The following ETV4 variants were observed in gnomAD, a reference collection of about 807,000 sequenced individuals.
ETV4 encodes ETS variant transcription factor 4.
Under a neutral mutation model 65.9 loss-of-function variants are expected in ETV4, and 42 were observed. The ratio of observed to expected loss-of-function variants is 0.64; its 90% confidence interval spans 0.50 to 0.82. The LOEUF is 0.82. Among genes scored for constraint, ETV4 ranks in the 40% least tolerant of loss-of-function variants. The probability of loss-of-function intolerance (pLI) is 0.00; values close to 1 mark genes in which losing one functional copy is unlikely to be tolerated. For synonymous variants in ETV4, 238 were observed against 260.0 expected (o/e 0.92, Z 0.81); for missense variants, 583 against 630.3 (o/e 0.92, Z 0.80).
chr17:43,532,783 A>C lies in ETV4; in HGVS notation c.702T>G (p.Tyr234Ter). ...SFKQEYHDPL[Y>*]EQAGQPAVDQ... The stretch of plus-strand genomic sequence containing the variant: ...CCACGGCTGGCTGGCCCGCCTGTTC[A>C]TACAGGGGATCATGGTATTCTTGCT... Residue 234 changes from tyrosine (Y) to a stop codon, truncating the protein, a stop_gained, in exon 8 of 13, where the codon TAT becomes TAG. Coordinates refer to ENST00000319349, the MANE Select transcript of ETV4 (RefSeq NM_001079675.5). LOFTEE classifies it high-confidence loss of function. 1 of 1,613,926 alleles carries C rather than the reference A, an allele frequency of 6.2e-7. No homozygotes were observed. Among genetic ancestry groups the C allele is most frequent in the Non-Finnish European group, 8.5e-7 (1 of 1,179,980 alleles).
In ETV4 at chr17:43,532,713, C is replaced by T; in HGVS notation, c.772G>A (p.Val258Met). 1 of 1,613,816 alleles carries T rather than the reference C, an allele frequency of 6.2e-7. No individual in the cohort carries two copies. The highest frequency in any genetic ancestry group is 8.5e-7 in the Non-Finnish European group (1 of 1,179,864). ...AAGTCCGTCTGTTCCTGTTTGATCA[C>T]CACCCCCGCCCCTGGGTACCTGTGC... is the stretch of plus-strand genomic sequence containing the variant. ...NGHRYPGAGVVIKQEQTDFAY... is the reference protein window; with the variant it reads ...NGHRYPGAGVMIKQEQTDFAY... The change falls in exon 8 of 13, where the codon GTG (valine) becomes ATG (methionine). Residue 258 changes from valine (V) to methionine (M), a missense_variant. Val to Met is a conservative substitution (Grantham distance 21). Coordinates refer to ENST00000319349, the MANE Select transcript of ETV4 (RefSeq NM_001079675.5).
At chr17:43,533,443 C>T in intron 6 of ETV4, 95 bp from the exon 7 acceptor site, 1 of 1,232,260 alleles carries the variant, frequency 8.1e-7, no homozygotes, top group South Asian at 1.4e-5. Flanking sequence ...ACAGGGATTA[C>T]AGGAGAAGGA....
chr17:43,534,363 G>A (rs1410827539), intron 5 of ETV4, among the ~76,000 whole-genome samples: 1 of 151,902 alleles, frequency 6.6e-6, no homozygotes, highest in African/African-American at 2.4e-5. Flanking sequence ...GGATGGTGGC[G>A]GATGCCTGTA....
chr17:43,539,823 C>A (rs1277493331), intron 4 of ETV4, among the ~76,000 whole-genome samples: 1 of 152,166 alleles, frequency 6.6e-6, no homozygotes, highest in Non-Finnish European at 1.5e-5. Context: ...TGTTGCTTGG[C>A]AAGAATATTC....
intron 5 of ETV4, 34 bp downstream of exon 5, chr17:43,536,392 T>G (rs1008341616): frequency 6.3e-7 from 1 of 1,595,050 alleles, no homozygotes; most frequent in East Asian, 2.2e-5. Flanking sequence ...CATCCTCCAC[T>G]CCCTATACCC....
intron 7 of ETV4, 54 bp downstream of exon 7, chr17:43,533,133 A>G: frequency 6.3e-7 from 1 of 1,594,386 alleles, no homozygotes; most frequent in Middle Eastern, 1.7e-4. Flanking sequence ...GAGAACACTC[A>G]GGAATTGAAA....
intron 4 of ETV4, among the ~76,000 whole-genome samples, chr17:43,538,665 G>A (rs76073095): frequency 0.013 from 1,969 of 152,204 alleles, 48 homozygotes; most frequent in African/African-American, 0.046. Context: ...CCAGAGTCTT[G>A]GCCCACTTTT....
rs570890035 is a variant in ETV4 at position 43,528,510 on chromosome 17, C to G, written c.*9G>C. 5 of 1,586,464 alleles carry G rather than the reference C, an allele frequency of 3.2e-6. No individual in the cohort carries two copies. The highest frequency in any genetic ancestry group is 4.3e-6 in the Non-Finnish European group (5 of 1,162,582). On this transcript the variant is annotated 3_prime_UTR_variant, in exon 13 of 13. Coordinates refer to ENST00000319349, the MANE Select transcript of ETV4 (RefSeq NM_001079675.5). ...ACCCACCTGCGGCAGGGGGAACAGC[C>G]GCTGGGGGCTAGTAAGAGTAGCCAC...
Position 43,530,537 on chromosome 17 carries a change from C to A in ETV4, c.812-356G>T, listed in dbSNP as rs1017504812. On this transcript the variant is annotated intron_variant, in intron 8 of 12. Transcript: ENST00000319349. ...GTCCGGGGAAAGAGTTCGGTGTCCA[C>A]GCCTAAGACTCCCTCAGAATGGACA... 5 of 819,718 alleles carry A rather than the reference C, an allele frequency of 6.1e-6. No homozygotes were observed. In the African/African-American group the frequency reaches 8.7e-5, roughly 14 times the overall value. The allele number at this position is 819,718 out of a possible 1,614,324, so 50.8% of individuals were successfully genotyped here. A position where few individuals can be genotyped will look rare whatever the true frequency, so the allele number is the denominator to read the frequency against.
In ETV4 at chr17:43,545,336, G is replaced by C. The variant is rs760352888; in HGVS notation, c.92C>G (p.Ala31Gly). ...GAGCTTCCCCAGCGGGCCGATCAGC[G>C]CTTCGCGCAAGCTCCCATTTCCGGG... ...KSPGNGSLRE[A>G]LIGPLGKLMD... The change falls in exon 3 of 13, where the codon GCG (alanine) becomes GGG (glycine). Residue 31 changes from alanine to glycine, a missense_variant. Physicochemically the swap from Ala to Gly is moderately conservative, Grantham distance 60 (BLOSUM62 0). Coordinates refer to ENST00000319349, the MANE Select transcript of ETV4 (RefSeq NM_001079675.5). 6.2e-7 allele frequency: 1 copy of C among 1,607,052 alleles called. No individual in the cohort carries two copies. Among genetic ancestry groups the C allele is most frequent in the Non-Finnish European group, 8.5e-7 (1 of 1,176,694 alleles).
In ETV4 at chr17:43,545,947, G is replaced by A; in HGVS notation, c.-52+238C>T. The A allele has an allele frequency of 7.8e-5, 24 of 308,790 alleles. No individual in the cohort carries two copies. The East Asian group carries it at 1.1e-3, about 15-fold the overall frequency. The allele number at this position is 308,790 out of a possible 1,614,324, so 19.1% of individuals were successfully genotyped here. A position where few individuals can be genotyped will look rare whatever the true frequency, so the allele number is the denominator to read the frequency against. On this transcript the variant is annotated intron_variant, in intron 1 of 12. Transcript: ENST00000319349. ...GTTACATAAGAACGTGTGTGTGTGT[G>A]TGTGTGTGTGTGTGTGTGTGTGTGT... is the stretch of plus-strand genomic sequence containing the variant.
In ETV4 at chr17:43,529,773, G is replaced by A. The variant is rs1970795828; in HGVS notation, c.956-97C>T. The A allele has an allele frequency of 8.1e-6, 13 of 1,597,366 alleles. No homozygotes were observed. The South Asian group carries it at 8.9e-5, about 11-fold the overall frequency. ...GGGATTTCTCGAAGGGGTCTCCCCA[G>A]GTACTTTTCTATGGGTCCCACCCTC... On this transcript the variant is annotated intron_variant, in intron 10 of 12. Transcript: ENST00000319349.
intron 11 of ETV4, 74 bp downstream of exon 11, chr17:43,529,430 A>T: frequency 6.6e-7 from 1 of 1,524,028 alleles, no homozygotes; most frequent in Non-Finnish European, 8.9e-7. Context: ...GGCACGTGCC[A>T]CCATTTCCCA....
At chr17:43,533,140 GA>G (rs778243061) in intron 7 of ETV4, 46 bp downstream of exon 7, 48 of 1,599,946 alleles carry the variant, frequency 3.0e-5, no homozygotes, top group Non-Finnish European at 3.8e-5. Flanking sequence ...CTCAGGAATT[GA>G]AAAAACACCT....
intron 2 of ETV4, 39 bp from the exon 3 acceptor site, chr17:43,545,406 G>C: frequency 6.6e-7 from 1 of 1,523,688 alleles, no homozygotes; most frequent in Non-Finnish European, 8.9e-7. Context: ...GTCACCCTGA[G>C]GCGCTTAGTC....
chr17:43,534,352 G>C (rs1025839855), intron 5 of ETV4, among the ~76,000 whole-genome samples: 1 of 151,874 alleles, frequency 6.6e-6, no homozygotes. Flanking sequence ...AAATTAGCCG[G>C]GGATGGTGGC....
Position 43,545,336 on chromosome 17 carries a change from G to T in ETV4, c.92C>A (p.Ala31Glu). Residue 31 changes from alanine (A) to glutamate (E), a missense_variant, in exon 3 of 13, where the codon GCG becomes GAG. Coordinates refer to ENST00000319349, the MANE Select transcript of ETV4 (RefSeq NM_001079675.5). ...GAGCTTCCCCAGCGGGCCGATCAGC[G>T]CTTCGCGCAAGCTCCCATTTCCGGG... ...KSPGNGSLRE[A>E]LIGPLGKLMD... The T allele has an allele frequency of 6.2e-7, 1 of 1,607,052 alleles. No individual in the cohort carries two copies. Among genetic ancestry groups the T allele is most frequent in the East Asian group, 2.2e-5 (1 of 44,590 alleles).
At position 43,530,196 on chromosome 17, in the gene ETV4, G is replaced by C; in HGVS notation, c.812-15C>G. On this transcript the variant is annotated splice_polypyrimidine_tract_variant and intron_variant, in intron 8 of 12. Transcript: ENST00000319349. Reference sequence around the variant, plus strand: ...CCCGGTGACATCTGTGGGGGAAGAAGGGGTGATGTGAGAAGTGGCTTGGGG... The same window carrying C: ...CCCGGTGACATCTGTGGGGGAAGAACGGGTGATGTGAGAAGTGGCTTGGGG... 6.4e-7 allele frequency: 1 copy of C among 1,553,226 alleles called. No homozygotes were observed. Among genetic ancestry groups the C allele is most frequent in the South Asian group, 1.2e-5 (1 of 84,586 alleles).
intron 8 of ETV4, 125 bp downstream of exon 8, chr17:43,532,549 A>G: frequency 1.1e-6 from 1 of 895,474 alleles, no homozygotes; most frequent in Non-Finnish European, 1.7e-6. Flanking sequence ...ATTATGAAGA[A>G]AAAAAGTGGG....
Sources: gnomAD v4.1 joint callset for allele counts (sites outside exome capture counted in the v4.1 genomes callset) on GRCh38, gnomAD v4.1.1 for gene constraint, MANE v1.5 for transcripts, NCBI Gene and HGNC (gene_info 2026-07-23, HGNC 2026-07-21) for gene names.